Variants in ADAMTS3 observed in about 807,000 individuals in gnomAD.
The protein encoded by ADAMTS3 is ADAM metallopeptidase with thrombospondin type 1 motif 3.
In ADAMTS3, 73 loss-of-function variants were observed where a neutral mutation model predicts 129.0. The ratio of observed to expected loss-of-function variants is 0.57; its 90% confidence interval spans 0.47 to 0.69. The LOEUF (loss-of-function observed/expected upper bound fraction) is 0.69, where lower values mean the gene tolerates loss of function less well. ADAMTS3 is among the 30% of genes least tolerant of loss of function. The pLI, the probability that ADAMTS3 is intolerant of heterozygous loss-of-function variation, is 0.00. For synonymous variants in ADAMTS3, 477 were observed against 510.8 expected (o/e 0.93, Z 0.89); for missense variants, 1,457 against 1,514.5 (o/e 0.96, Z 0.63).
intron 3 of ADAMTS3, among the ~76,000 whole-genome samples, chr4:72,518,665 CT>C (rs979561531): frequency 1.3e-5 from 2 of 151,986 alleles, no homozygotes; most frequent in East Asian, 1.9e-4. Flanking sequence ...GCAACCCCTG[CT>C]TTTTTTTGTT....
intron 3 of ADAMTS3, among the ~76,000 whole-genome samples, chr4:72,530,492 T>G (rs367679851): frequency 5.2e-5 from 1 of 19,350 alleles, no homozygotes; most frequent in African/African-American, 3.1e-4. Context: ...AAATATATAT[T>G]TATATACAAA....
At chr4:72,399,419 C>A (rs899324464) in intron 4 of ADAMTS3, among the ~76,000 whole-genome samples, 16 of 152,190 alleles carry the variant, frequency 1.1e-4, no homozygotes, top group Admixed American at 1.0e-3. Flanking sequence ...GGCAATAGAA[C>A]AACACTCTTC....
At chr4:72,504,001 G>C (rs185244210) in intron 3 of ADAMTS3, among the ~76,000 whole-genome samples, 2 of 152,172 alleles carry the variant, frequency 1.3e-5, no homozygotes, top group Non-Finnish European at 2.9e-5. Flanking sequence ...TTATGTGTGA[G>C]ATAGGTCTCT....
At chr4:72,288,961 C>CACACACACAT (rs1184361316) in intron 20 of ADAMTS3, 93 bp from the exon 21 acceptor site, 1 of 758,440 alleles carries the variant, frequency 1.3e-6, no homozygotes, top group African/African-American at 1.7e-5. Context: ...CACACACACA[C>CACACACACAT]ACACACAAAG....
At chr4:72,406,224 G>A (rs1722047208) in intron 4 of ADAMTS3, among the ~76,000 whole-genome samples, 1 of 152,094 alleles carries the variant, frequency 6.6e-6, no homozygotes, top group African/African-American at 2.4e-5. Context: ...CAAGCTGGCA[G>A]TAAATACCAA....
intron 3 of ADAMTS3, among the ~76,000 whole-genome samples, chr4:72,434,769 G>T (rs912336606): frequency 2.0e-5 from 3 of 151,862 alleles, no homozygotes; most frequent in Non-Finnish European, 4.4e-5. Flanking sequence ...GACTTCAGCA[G>T]GTGAGAGCTC....
chr4:72,370,090 A>G (rs1290588168), intron 4 of ADAMTS3, among the ~76,000 whole-genome samples: 1 of 152,200 alleles, frequency 6.6e-6, no homozygotes, highest in Non-Finnish European at 1.5e-5. Context: ...GACAATCGCA[A>G]AAACAAGTTG....
chr4:72,418,846 A>G (rs1309334344), intron 3 of ADAMTS3, among the ~76,000 whole-genome samples: 2 of 152,218 alleles, frequency 1.3e-5, no homozygotes, highest in Non-Finnish European at 2.9e-5. Context: ...TTTAAGGCCC[A>G]CGTCATCTGC....
chr4:72,303,970 C>T lies in ADAMTS3; in HGVS notation c.2371G>A (p.Asp791Asn). 6.2e-7 allele frequency: 1 copy of T among 1,613,714 alleles called. No individual in the cohort carries two copies. The highest frequency in any genetic ancestry group is 1.1e-5 in the South Asian group (1 of 91,078). Residue 791 changes from aspartate (D) to asparagine (N), a missense_variant, in exon 17 of 22, where the codon GAC becomes AAC. Asp to Asn is a conservative substitution (Grantham distance 23). Coordinates refer to ENST00000286657, the MANE Select transcript of ADAMTS3 (RefSeq NM_014243.3). ...GVEWDYNIED[D>N]IESLHTDGPL... is the part of the protein sequence containing the mutation. ...CCATCGGTGTGAAGACTTTCAATGTCATCTTCAATGTTATAATCCCACTCC... is the reference window on the plus strand; with the variant it reads ...CCATCGGTGTGAAGACTTTCAATGTTATCTTCAATGTTATAATCCCACTCC...
intron 3 of ADAMTS3, among the ~76,000 whole-genome samples, chr4:72,453,478 C>T (rs1718462169): frequency 6.6e-6 from 1 of 151,770 alleles, no homozygotes; most frequent in Non-Finnish European, 1.5e-5. Flanking sequence ...TGTGTTATCC[C>T]TGTTAGACAG....
chr4:72,442,221 AAGAC>A (rs1433078257), intron 3 of ADAMTS3: 2 of 151,826 alleles, frequency 1.3e-5, no homozygotes, highest in Non-Finnish European at 2.9e-5. Flanking sequence ...AGAGTTCTGA[AAGAC>A]AGCACAGAAA....
At chr4:72,310,697 G>C (rs1283807310) in intron 14 of ADAMTS3, among the ~76,000 whole-genome samples, 1 of 152,014 alleles carries the variant, frequency 6.6e-6, no homozygotes, top group Non-Finnish European at 1.5e-5. Flanking sequence ...ACTTAGCACT[G>C]ATTATTTTTA....
At chr4:72,283,800 T>A in intron 21 of ADAMTS3, 96 bp from the exon 22 acceptor site, 2 of 1,089,812 alleles carry the variant, frequency 1.8e-6, no homozygotes, top group Non-Finnish European at 2.5e-6. Flanking sequence ...TAAAAAGATT[T>A]AAGTGCAATC....
At chr4:72,479,783 G>A (rs113377573) in intron 3 of ADAMTS3, among the ~76,000 whole-genome samples, 6,113 of 152,132 alleles carry the variant, frequency 0.04, 146 homozygotes, top group Non-Finnish European at 0.048. Flanking sequence ...GAAAATTTTC[G>A]CAACCTACTC....
At chr4:72,567,813 C>A (rs2109813274) in intron 1 of ADAMTS3, among the ~76,000 whole-genome samples, 1 of 152,324 alleles carries the variant, frequency 6.6e-6, no homozygotes, top group East Asian at 1.9e-4. Context: ...ACCCTATGGT[C>A]GTTCAGACCA....
intron 3 of ADAMTS3, among the ~76,000 whole-genome samples, chr4:72,488,732 C>T (rs145455700): frequency 6.6e-6 from 1 of 151,854 alleles, no homozygotes; most frequent in East Asian, 1.9e-4. Context: ...GAAATAATCA[C>T]CACAAATTAA....
chr4:72,295,821 ACTT>A (rs778096498), intron 18 of ADAMTS3, 35 bp from the exon 19 acceptor site: 4 of 1,599,698 alleles, frequency 2.5e-6, no homozygotes, highest in Non-Finnish European at 3.4e-6. Context: ...GGATTTAATC[ACTT>A]CTTCATGCTG....
At chr4:72,369,886 A>G (rs1173974168) in intron 4 of ADAMTS3, among the ~76,000 whole-genome samples, 2 of 151,812 alleles carry the variant, frequency 1.3e-5, no homozygotes, top group South Asian at 2.1e-4. Flanking sequence ...GTATATGCAT[A>G]TAAACCGAAA....
chr4:72,463,940 A>G (rs1332808633), intron 3 of ADAMTS3, among the ~76,000 whole-genome samples: 1 of 151,942 alleles, frequency 6.6e-6, no homozygotes, highest in African/African-American at 2.4e-5. Context: ...CCAGCCTGCC[A>G]AGACAAACAA....
Sources: allele counts gnomAD v4.1 joint callset (sites outside exome capture counted in the v4.1 genomes callset), GRCh38; gene constraint gnomAD v4.1.1; transcripts MANE v1.5; gene names NCBI Gene and HGNC (gene_info 2026-07-23, HGNC 2026-07-21).